The following ARHGAP32 variants were observed in gnomAD, a reference collection of about 807,000 sequenced individuals.
ARHGAP32 encodes Rho GTPase activating protein 32, also known as rho GTPase-activating protein 32.
ARHGAP32 carries 51 observed loss-of-function variants against 186.5 expected under a neutral mutation model. The ratio of observed to expected loss-of-function variants is 0.27; its 90% CI spans 0.22 to 0.35. ARHGAP32 has a LOEUF of 0.35. ARHGAP32 is among the 10% of genes least tolerant of loss of function. ARHGAP32 has a pLI of 1.00. For missense variants in ARHGAP32, 2,186 were observed against 2,623.5 expected, an observed-to-expected ratio of 0.83 and a Z score of 3.64; for synonymous variants, 950 against 964.3, an observed-to-expected ratio of 0.99 and a Z score of 0.27.
chr11:129,064,296 T>C (rs1940615215), intron 8 of ARHGAP32, among the ~76,000 whole-genome samples: 1 of 152,140 alleles, frequency 6.6e-6, no homozygotes, highest in South Asian at 2.1e-4. Context: ...CTATGTAATT[T>C]ACAAGAGATT....
At chr11:129,010,553 C>A (rs993492228) in intron 11 of ARHGAP32, among the ~76,000 whole-genome samples, 2 of 152,112 alleles carry the variant, frequency 1.3e-5, no homozygotes, top group African/African-American at 4.8e-5. Context: ...TACGGAATAC[C>A]TTCCCTGTTG....
intron 1 of ARHGAP32, among the ~76,000 whole-genome samples, chr11:129,215,130 C>T (rs529336309): frequency 2.0e-5 from 3 of 152,284 alleles, no homozygotes; most frequent in African/African-American, 7.2e-5. Flanking sequence ...CAGTAACTCA[C>T]GTGCTGCTAT....
In ARHGAP32 at chr11:128,967,949, T is replaced by A. The variant is rs2136052190; in HGVS notation, c.*958A>T. The A allele has an allele frequency of 7.0e-6, 1 of 143,750 alleles. No homozygotes were observed. The highest frequency in any genetic ancestry group is 6.9e-5 in the Admixed American group (1 of 14,408). The allele number at this position is 143,750 out of a possible 1,614,324, so 8.9% of individuals were successfully genotyped here. A position where few individuals can be genotyped will look rare whatever the true frequency, so the allele number is the denominator to read the frequency against. On this transcript the variant is annotated 3_prime_UTR_variant, in exon 23 of 23. Transcript: ENST00000682385. ...CTTTTTTTTTTTTTTTTTTTTTTAA[T>A]GAAAGAAAGTTGATAATTTAGGAAA...
At chr11:129,171,742 T>G (rs1028934915) in intron 1 of ARHGAP32, among the ~76,000 whole-genome samples, 1 of 152,212 alleles carries the variant, frequency 6.6e-6, no homozygotes, top group Non-Finnish European at 1.5e-5. Context: ...TAGCACTGAA[T>G]CTATAAATTA....
At chr11:129,093,812 C>G (rs1451343380) in intron 5 of ARHGAP32, 105 bp from the exon 6 acceptor site, 2 of 759,164 alleles carry the variant, frequency 2.6e-6, no homozygotes, top group Non-Finnish European at 4.4e-6. Context: ...GGGTGAGCAT[C>G]AGCTTAATGT....
chr11:129,238,560 T>C (rs1944967474), intron 1 of ARHGAP32, among the ~76,000 whole-genome samples: 1 of 152,100 alleles, frequency 6.6e-6, no homozygotes, highest in Admixed American at 6.5e-5. Context: ...GCATGAGTAA[T>C]ACATACACTG....
intron 20 of ARHGAP32, among the ~76,000 whole-genome samples, chr11:128,975,935 G>A (rs1294877910): frequency 1.3e-5 from 2 of 151,946 alleles, no homozygotes; most frequent in African/African-American, 2.4e-5. Context: ...TTATGCTCCC[G>A]GGCATGGTGG....
chr11:129,106,075 T>G (rs1283361214), intron 5 of ARHGAP32, among the ~76,000 whole-genome samples: 1 of 152,198 alleles, frequency 6.6e-6, no homozygotes, highest in East Asian at 1.9e-4. Flanking sequence ...TTGTTGGGAA[T>G]GTAAATTACT....
At chr11:128,983,022 C>T (rs1166628013) in intron 15 of ARHGAP32, among the ~76,000 whole-genome samples, 1 of 149,946 alleles carries the variant, frequency 6.7e-6, no homozygotes, top group Non-Finnish European at 1.5e-5. Context: ...ATGGGCCTAA[C>T]ATGAATTTGA....
chr11:129,218,442 A>T (rs1412239347), intron 1 of ARHGAP32, among the ~76,000 whole-genome samples: 3 of 51,404 alleles, frequency 5.8e-5, no homozygotes, highest in African/African-American at 8.5e-5. Flanking sequence ...CTCCCACTGC[A>T]GCTAATCTCA....
intron 2 of ARHGAP32, among the ~76,000 whole-genome samples, chr11:129,127,697 T>C (rs1230188624): frequency 1.3e-5 from 2 of 152,142 alleles, no homozygotes. Flanking sequence ...ACTTATTCTG[T>C]TGCTCCAAAC....
chr11:129,239,728 C>T (rs1235817671), intron 1 of ARHGAP32, among the ~76,000 whole-genome samples: 1 of 152,112 alleles, frequency 6.6e-6, no homozygotes, highest in Non-Finnish European at 1.5e-5. Context: ...ATGCTCTATA[C>T]TATTCCACCT....
chr11:129,111,814 C>T (rs1366192710), intron 5 of ARHGAP32, among the ~76,000 whole-genome samples: 1 of 152,058 alleles, frequency 6.6e-6, no homozygotes, highest in Non-Finnish European at 1.5e-5. Flanking sequence ...TGCTGGAGTG[C>T]AGCAGCATGT....
rs528960332 is a variant in ARHGAP32, at chr11:128,999,624, C to T, written c.1046-1156G>A. 1.7e-4 allele frequency among the ~76,000 whole-genome samples: 26 copies of T among 152,276 alleles called. No individual in the cohort carries two copies. The East Asian group carries it at 5.0e-3, about 29-fold the overall frequency. Reference sequence around the variant, plus strand: ...AACCTGCCGACATGTGATGTCTCCCCCAGACACCCAGCTTTAAAATTTGTC... The same window carrying T: ...AACCTGCCGACATGTGATGTCTCCCTCAGACACCCAGCTTTAAAATTTGTC... On this transcript the variant is annotated intron_variant, in intron 11 of 22. Transcript: ENST00000682385.
At chr11:129,230,163 A>C (rs1440300194) in intron 1 of ARHGAP32, among the ~76,000 whole-genome samples, 1 of 152,162 alleles carries the variant, frequency 6.6e-6, no homozygotes, top group Non-Finnish European at 1.5e-5. Flanking sequence ...ATGCTACTGA[A>C]GAATTGGGAC....
At chr11:129,230,593 TC>T (rs1944845151) in intron 1 of ARHGAP32, among the ~76,000 whole-genome samples, 1 of 152,088 alleles carries the variant, frequency 6.6e-6, no homozygotes, top group African/African-American at 2.4e-5. Context: ...AGGCATTGTG[TC>T]TTCTCCAAGC....
At chr11:129,094,487 A>T (rs2135274918) in intron 5 of ARHGAP32, among the ~76,000 whole-genome samples, 1 of 152,342 alleles carries the variant, frequency 6.6e-6, no homozygotes, top group African/African-American at 2.4e-5. Context: ...TGTGAAAAAT[A>T]CAGATTTCTG....
At chr11:128,987,959 G>T in intron 13 of ARHGAP32, 64 bp downstream of exon 13, 1 of 1,093,420 alleles carries the variant, frequency 9.1e-7, no homozygotes, top group Non-Finnish European at 1.4e-6. Flanking sequence ...AAGTGAATCT[G>T]TTTTAAAATA....
At chr11:129,157,037 T>C (rs507713) in intron 2 of ARHGAP32, among the ~76,000 whole-genome samples, 44,530 of 151,896 alleles carry the variant, frequency 0.29, 6,833 homozygotes, top group Middle Eastern at 0.4. Context: ...GCATCAACAT[T>C]AACAAAAAGG....
Sources: allele counts gnomAD v4.1 joint callset (sites outside exome capture counted in the v4.1 genomes callset), GRCh38; gene constraint gnomAD v4.1.1; transcripts MANE v1.5; gene names NCBI Gene and HGNC (gene_info 2026-07-23, HGNC 2026-07-21).